The following SASH1 variants were observed in gnomAD, a reference collection of about 807,000 sequenced individuals.
The protein encoded by SASH1 is SAM and SH3 domain containing 1, also known as SAM and SH3 domain-containing protein 1.
In SASH1, 44 loss-of-function variants were observed where a neutral mutation model predicts 125.2. That is an observed-to-expected ratio of 0.35 (90% CI 0.28 to 0.45). The LOEUF (loss-of-function observed/expected upper bound fraction) is 0.45. Ranked by LOEUF, SASH1 falls within the 20% of genes least tolerant of loss-of-function variation. The pLI is 1.00. For synonymous variants in SASH1, 639 were observed against 649.1 expected, an observed-to-expected ratio of 0.98 and a Z score of 0.24; for missense variants, 1,426 against 1,614.5, an observed-to-expected ratio of 0.88 and a Z score of 2.00.
intron 4 of SASH1, among the ~76,000 whole-genome samples, chr6:148,460,461 G>A (rs970371622): frequency 3.3e-5 from 5 of 152,120 alleles, no homozygotes; most frequent in African/African-American, 1.2e-4. Flanking sequence ...AAGATTAGAT[G>A]GTATTACTGT....
chr6:148,302,706 G>GTATA (rs773060900), intron 1 of SASH1, among the ~76,000 whole-genome samples: 16 of 142,024 alleles, frequency 1.1e-4, no homozygotes, highest in African/African-American at 4.1e-4. Context: ...TACACACTGT[G>GTATA]TATATATATA....
Position 148,449,078 on chromosome 6 carries a change from C to CTTTTTTTTTTTTTTTTTTT in SASH1, c.386+8686_386+8687insTTTTTTTTTTTTTTTTTTT. 1.5e-3 allele frequency among the ~76,000 whole-genome samples: 133 copies of CTTTTTTTTTTTTTTTTTTT among 88,654 alleles called. 10 individuals carry two copies. The highest frequency in any genetic ancestry group is 2.2e-3 in the Non-Finnish European group (95 of 43,398). 58.2% of individuals were successfully genotyped at this position (88,654 alleles called of 152,430 possible). A position where few individuals can be genotyped will look rare whatever the true frequency, so the allele number is the denominator to read the frequency against. ...GAGACTGGCTAATTTCATTTCATTTCTTTTTTTTTTTTTTTGGAGACAGAG... is the reference window on the plus strand; with the variant it reads ...GAGACTGGCTAATTTCATTTCATTTCTTTTTTTTTTTTTTTTTTTTTTTTTTTTTTTTTTGGAGACAGAG... On this transcript the variant is annotated intron_variant, in intron 4 of 19. Coordinates refer to ENST00000367467, the MANE Select transcript of SASH1 (RefSeq NM_015278.5).
intron 6 of SASH1, among the ~76,000 whole-genome samples, chr6:148,472,880 C>T (rs1239662440): frequency 6.6e-6 from 1 of 152,162 alleles, no homozygotes; most frequent in Non-Finnish European, 1.5e-5. Flanking sequence ...ATATTGGAAG[C>T]TGGTAAAAAG....
intron 8 of SASH1, among the ~76,000 whole-genome samples, chr6:148,506,597 A>C (rs1779816645): frequency 6.6e-6 from 1 of 152,198 alleles, no homozygotes; most frequent in Non-Finnish European, 1.5e-5. Context: ...ACTATACCAC[A>C]TTTATGTGCA....
rs367941802 is a variant in SASH1, at chr6:148,414,250, C to T, written c.285+23988C>T. ...AAAATATAATGGGAAGAATTTCTGG[C>T]GTGTTCCCATATGTATATTCATGTG... On this transcript the variant is annotated intron_variant, in intron 2 of 19. Transcript: ENST00000367467. Among the ~76,000 whole-genome samples the T allele has an allele frequency of 2.3e-4, 35 of 152,174 alleles. 1 individual carries two copies. The South Asian group carries it at 5.8e-3, about 25-fold the overall frequency.
chr6:148,297,300 G>A (rs1779790116), intron 1 of SASH1, among the ~76,000 whole-genome samples: 1 of 152,206 alleles, frequency 6.6e-6, no homozygotes, highest in South Asian at 2.1e-4. Flanking sequence ...CCTGCATAAA[G>A]AGGATGGTAA....
chr6:148,302,972 G>GTTTATTTA (rs575347150), intron 1 of SASH1, among the ~76,000 whole-genome samples: 3 of 151,680 alleles, frequency 2.0e-5, no homozygotes, highest in South Asian at 2.1e-4. Flanking sequence ...AAATTAGTTT[G>GTTTATTTA]TTTATTTATT....
At chr6:148,331,003 A>T (rs111770214) in intron 1 of SASH1, among the ~76,000 whole-genome samples, 1 of 152,044 alleles carries the variant, frequency 6.6e-6, no homozygotes, top group African/African-American at 2.4e-5. Context: ...GGTGGCTTTC[A>T]TATAATCTTA....
At chr6:148,541,668 CA>C (rs996428864) in intron 17 of SASH1, among the ~76,000 whole-genome samples, 5 of 152,010 alleles carry the variant, frequency 3.3e-5, no homozygotes, top group African/African-American at 1.2e-4. Flanking sequence ...GTCCAGGATG[CA>C]AACCCTAAGC....
At chr6:148,463,093 AG>A (rs1379627714) in intron 4 of SASH1, among the ~76,000 whole-genome samples, 1 of 152,176 alleles carries the variant, frequency 6.6e-6, no homozygotes, top group Non-Finnish European at 1.5e-5. Flanking sequence ...TCACTGGAAA[AG>A]AAAATATGGC....
At position 148,486,223 on chromosome 6, in the gene SASH1, C is replaced by T. The variant is rs576501531; in HGVS notation, c.628-1391C>T. On this transcript the variant is annotated intron_variant, in intron 7 of 19. Transcript: ENST00000367467. ...GCAACCTCTGCCTCCCAGGTTCAAG[C>T]GATTCTCCTGCCTCAGCCTCCTGAG... Among the ~76,000 whole-genome samples the T allele has an allele frequency of 2.2e-4, 34 of 152,214 alleles. No homozygotes were observed. In the East Asian group the frequency reaches 4.4e-3, roughly 20 times the overall value.
intron 1 of SASH1, among the ~76,000 whole-genome samples, chr6:148,291,525 C>G (rs1047457652): frequency 6.6e-6 from 1 of 151,900 alleles, no homozygotes; most frequent in African/African-American, 2.4e-5. Context: ...TAAAAAAATA[C>G]AAAAAAGATT....
chr6:148,324,118 C>CAAAAAA (rs56950339), intron 1 of SASH1, among the ~76,000 whole-genome samples: 8,662 of 59,244 alleles, frequency 0.15, 1,910 homozygotes, highest in Middle Eastern at 0.2. Context: ...GAATCTGTCT[C>CAAAAAA]AAAAAAAAAA....
intron 2 of SASH1, among the ~76,000 whole-genome samples, chr6:148,403,926 A>G (rs1189449862): frequency 6.6e-6 from 1 of 152,226 alleles, no homozygotes; most frequent in African/African-American, 2.4e-5. Flanking sequence ...AGTGATTTTT[A>G]GTACCTTTAT....
intron 1 of SASH1, among the ~76,000 whole-genome samples, chr6:148,298,758 AAGAG>A (rs1251580647): frequency 7.1e-6 from 1 of 140,762 alleles, no homozygotes; most frequent in African/African-American, 2.7e-5. Context: ...GAAGGAAGAA[AAGAG>A]AGAAAGAAAA....
chr6:148,440,462 C>T, intron 4 of SASH1, 55 bp downstream of exon 4: 1 of 1,474,480 alleles, frequency 6.8e-7, no homozygotes, highest in African/African-American at 1.4e-5. Flanking sequence ...TCTTTTAGGT[C>T]CATGCTGACG....
chr6:148,349,252 C>CTTTTTTTTCTTTTTT (rs1781629349), intron 1 of SASH1, among the ~76,000 whole-genome samples: 1 of 47,022 alleles, frequency 2.1e-5, no homozygotes, highest in African/African-American at 8.5e-5. Flanking sequence ...TTCTTTCTTT[C>CTTTTTTTTCTTTTTT]TTTTTTTTTT....
In SASH1 at chr6:148,315,192, A is replaced by G. The variant is rs376545123; in HGVS notation, n.74+42815A>G. ...CAACCATGATCATATATTGACTGTG[A>G]CTGCTCCCTTTATGCCAGATAGAGA... is the stretch of plus-strand genomic sequence containing the variant. On this transcript the variant is annotated intron_variant and non_coding_transcript_variant, in intron 1 of 3. Coordinates refer to the SASH1 transcript ENST00000367469. Among the ~76,000 whole-genome samples the G allele has an allele frequency of 4.6e-5, 7 of 152,228 alleles. No homozygotes were observed. The East Asian group carries it at 1.3e-3, about 29-fold the overall frequency.
At chr6:148,480,971 A>C (rs1434348465) in intron 7 of SASH1, among the ~76,000 whole-genome samples, 1 of 146,328 alleles carries the variant, frequency 6.8e-6, no homozygotes, top group African/African-American at 2.5e-5. Context: ...TAGCTTTATG[A>C]TGGATAATTA....
Sources: allele counts gnomAD v4.1 joint callset (sites outside exome capture counted in the v4.1 genomes callset), GRCh38; gene constraint gnomAD v4.1.1; transcripts MANE v1.5; gene names NCBI Gene and HGNC (gene_info 2026-07-23, HGNC 2026-07-21).